Variants in KPNA6 observed in about 807,000 individuals in gnomAD.
KPNA6 encodes the protein karyopherin subunit alpha 6.
KPNA6 carries 9 observed loss-of-function variants against 72.0 expected under a neutral mutation model. The observed-to-expected ratio is 0.13, with a 90% confidence interval of 0.08 to 0.22. The LOEUF is 0.22. KPNA6 is among the 10% of genes least tolerant of loss of function. The probability of loss-of-function intolerance (pLI) is 1.00; values close to 1 mark genes in which losing one functional copy is unlikely to be tolerated. For synonymous variants in KPNA6, 219 were observed against 242.1 expected, an observed-to-expected ratio of 0.90 and a Z score of 0.89; for missense variants, 374 against 655.7, an observed-to-expected ratio of 0.57 and a Z score of 4.69.
At chr1:32,129,761 C>G (rs116185292) in intron 1 of KPNA6, among the ~76,000 whole-genome samples, 106 of 152,182 alleles carry the variant, frequency 7.0e-4, no homozygotes, top group African/African-American at 2.4e-3. Context: ...CGAGGTCTCA[C>G]TATGTTTCCC....
chr1:32,116,916 C>T (rs1641337116), intron 1 of KPNA6, among the ~76,000 whole-genome samples: 1 of 152,108 alleles, frequency 6.6e-6, no homozygotes, highest in African/African-American at 2.4e-5. Flanking sequence ...GTTGGTGGAG[C>T]AGTCAGATCA....
intron 1 of KPNA6, among the ~76,000 whole-genome samples, chr1:32,134,056 A>G (rs1189009430): frequency 6.6e-6 from 1 of 152,140 alleles, no homozygotes; most frequent in Non-Finnish European, 1.5e-5. Flanking sequence ...CAGCCTGGCC[A>G]ACATGGTGAA....
intron 1 of KPNA6, among the ~76,000 whole-genome samples, chr1:32,148,061 T>C (rs934919731): frequency 3.3e-5 from 5 of 152,198 alleles, no homozygotes; most frequent in Non-Finnish European, 7.3e-5. Context: ...TTCAGGATTC[T>C]GTCTTTGGCT....
rs1642496037 is a variant in KPNA6 at position 32,174,642 on chromosome 1, G to A, written c.*3748G>A. 6.6e-6 allele frequency: 1 copy of A among 152,080 alleles called. No homozygotes were observed. The highest frequency in any genetic ancestry group is 2.4e-5 in the African/African-American group (1 of 41,402). The allele number at this position is 152,080 out of a possible 1,614,324, so 9.4% of individuals were successfully genotyped here. The stretch of plus-strand genomic sequence containing the variant: ...AGCATTCTTCAGTAGATTCATCTAG[G>A]GTTCAGATTCCAGACTCTCAGCTGA... On this transcript the variant is annotated 3_prime_UTR_variant, in exon 14 of 14. Coordinates refer to ENST00000373625, the MANE Select transcript of KPNA6 (RefSeq NM_012316.5).
chr1:32,130,791 C>T (rs1641623281), intron 1 of KPNA6, among the ~76,000 whole-genome samples: 1 of 151,614 alleles, frequency 6.6e-6, no homozygotes, highest in African/African-American at 2.4e-5. Flanking sequence ...ACAGGCATCT[C>T]AAAGAAGTTC....
chr1:32,124,032 C>CAAAAA (rs771086945), intron 1 of KPNA6, among the ~76,000 whole-genome samples: 2 of 43,114 alleles, frequency 4.6e-5, no homozygotes, highest in Non-Finnish European at 9.5e-5. Flanking sequence ...GACTCTGTCT[C>CAAAAA]AAAAAAAAAA....
intron 2 of KPNA6, among the ~76,000 whole-genome samples, chr1:32,155,513 G>C (rs1331861671): frequency 2.0e-5 from 3 of 151,094 alleles, no homozygotes; most frequent in Non-Finnish European, 4.4e-5. Context: ...GGTAGAGACT[G>C]GGTTTCACCA....
At chr1:32,122,911 C>G (rs569038637) in intron 1 of KPNA6, among the ~76,000 whole-genome samples, 1 of 147,738 alleles carries the variant, frequency 6.8e-6, no homozygotes, top group African/African-American at 2.5e-5. Context: ...GAGCCGAGAT[C>G]GTGCCATTGC....
intron 1 of KPNA6, among the ~76,000 whole-genome samples, chr1:32,118,632 CA>C (rs1330358754): frequency 3.4e-5 from 5 of 147,088 alleles, no homozygotes; most frequent in African/African-American, 5.0e-5. Flanking sequence ...CCTGTCTCTA[CA>C]AAAAAAAAAT....
Position 32,157,452 on chromosome 1 carries a change from A to C in KPNA6, c.331+7A>C. 6.2e-7 allele frequency: 1 copy of C among 1,604,940 alleles called. No individual in the cohort carries two copies. Among genetic ancestry groups the C allele is most frequent in the Admixed American group, 1.7e-5 (1 of 59,966 alleles). On this transcript the variant is annotated splice_region_variant and intron_variant, in intron 4 of 13. Transcript: ENST00000373625. ...CGGAAACTGCTCTCCAAAGGTACAAAGCCTGGCCCTTGTCAGAGAGGCCTT... is the reference window on the plus strand; with the variant it reads ...CGGAAACTGCTCTCCAAAGGTACAACGCCTGGCCCTTGTCAGAGAGGCCTT...
chr1:32,135,633 AT>A lies in KPNA6; in HGVS notation c.5-18938del, dbSNP rs746020031. Among the ~76,000 whole-genome samples the A allele has an allele frequency of 9.2e-3, 1,117 of 121,306 alleles. 6 individuals carry two copies. The highest frequency in any genetic ancestry group is 0.022 in the African/African-American group (724 of 33,036). The allele number at this position is 121,306 out of a possible 152,430, so 79.6% of individuals were successfully genotyped here. A position where few individuals can be genotyped will look rare whatever the true frequency, so the allele number is the denominator to read the frequency against. ...CAGGTGTGAGCCACCATGCTTGGCC[AT>A]TTTTTTTTTTTTTTTTAGAGGCAGG... On this transcript the variant is annotated intron_variant, in intron 1 of 13. Coordinates refer to ENST00000373625, the MANE Select transcript of KPNA6 (RefSeq NM_012316.5).
rs570957336 is a variant in KPNA6 at position 32,120,283 on chromosome 1, C to T, written c.4+12149C>T. Among the ~76,000 whole-genome samples, 44 of 150,334 alleles carry T rather than the reference C, an allele frequency of 2.9e-4. 1 individual carries two copies. In the South Asian group the frequency reaches 7.7e-3, roughly 26 times the overall value. ...TTTTTGAGATGGAGTCTCGCTCTGCCGCACAGGCTGGAGTGCAGTGGTGTG... is the reference window on the plus strand; with the variant it reads ...TTTTTGAGATGGAGTCTCGCTCTGCTGCACAGGCTGGAGTGCAGTGGTGTG... On this transcript the variant is annotated intron_variant, in intron 1 of 13. Coordinates refer to ENST00000373625, the MANE Select transcript of KPNA6 (RefSeq NM_012316.5).
At chr1:32,145,328 CTTTTTTTT>C (rs930080417) in intron 1 of KPNA6, among the ~76,000 whole-genome samples, 1 of 139,082 alleles carries the variant, frequency 7.2e-6, no homozygotes, top group African/African-American at 2.6e-5. Flanking sequence ...ATTTGTATTT[CTTTTTTTT>C]TTTTTTGGAG....
At chr1:32,114,451 A>AAAAAAATATATATAT (rs982175711) in intron 1 of KPNA6, among the ~76,000 whole-genome samples, 4 of 145,562 alleles carry the variant, frequency 2.7e-5, no homozygotes, top group African/African-American at 1.0e-4. Context: ...CAAAAAAAAA[A>AAAAAAATATATATAT]ATATATATAT....
At chr1:32,134,092 A>ATT (rs79086099) in intron 1 of KPNA6, among the ~76,000 whole-genome samples, 186 of 143,004 alleles carry the variant, frequency 1.3e-3, no homozygotes, top group African/African-American at 3.6e-3. Context: ...AAAATACAAA[A>ATT]TTTTTTTTTT....
chr1:32,128,938 G>A (rs990866845), intron 1 of KPNA6, among the ~76,000 whole-genome samples: 3 of 152,066 alleles, frequency 2.0e-5, no homozygotes, highest in African/African-American at 7.2e-5. Flanking sequence ...GTCTGGGTAA[G>A]GGTATGAAAA....
chr1:32,134,362 A>G (rs1421371861), intron 1 of KPNA6, among the ~76,000 whole-genome samples: 2 of 151,938 alleles, frequency 1.3e-5, no homozygotes, highest in Admixed American at 6.6e-5. Flanking sequence ...TGTTACCACT[A>G]AACCTGCAGT....
At chr1:32,128,395 A>T (rs1037347390) in intron 1 of KPNA6, among the ~76,000 whole-genome samples, 1 of 91,218 alleles carries the variant, frequency 1.1e-5, no homozygotes, top group Non-Finnish European at 2.2e-5. Flanking sequence ...ATTTATATAT[A>T]TATATATATA....
intron 1 of KPNA6, among the ~76,000 whole-genome samples, chr1:32,115,085 C>T (rs552951933): frequency 3.8e-4 from 58 of 152,124 alleles, no homozygotes; most frequent in Non-Finnish European, 4.6e-4. Flanking sequence ...AGTGATCCGC[C>T]CACCTCAGCC....
Sources: gnomAD v4.1 joint callset for allele counts (sites outside exome capture counted in the v4.1 genomes callset) on GRCh38, gnomAD v4.1.1 for gene constraint, MANE v1.5 for transcripts, NCBI Gene and HGNC (gene_info 2026-07-23, HGNC 2026-07-21) for gene names.